ZSWIM6: variants seen among roughly 807,000 people sequenced by gnomAD.
The protein encoded by ZSWIM6 is zinc finger SWIM domain-containing protein 6.
In ZSWIM6, 9 loss-of-function variants were observed where a neutral mutation model predicts 113.2. The ratio of observed to expected loss-of-function variants is 0.08; its 90% CI spans 0.05 to 0.14. The LOEUF (loss-of-function observed/expected upper bound fraction) is 0.14. Among genes scored for constraint, ZSWIM6 ranks in the 10% least tolerant of loss-of-function variants. ZSWIM6 has a pLI of 1.00. For missense variants in ZSWIM6, 1,162 were observed against 1,552.2 expected (o/e 0.75, Z 4.22); for synonymous variants, 611 against 606.5 (o/e 1.01, Z -0.11).
At chr5:61,495,760 C>T (rs1748298868) in intron 4 of ZSWIM6, among the ~76,000 whole-genome samples, 1 of 151,800 alleles carries the variant, frequency 6.6e-6, no homozygotes, top group South Asian at 2.1e-4. Flanking sequence ...TTAAGTAAAC[C>T]TTTTTCAATT....
At chr5:61,520,395 T>C (rs1457261844) in intron 4 of ZSWIM6, among the ~76,000 whole-genome samples, 2 of 152,198 alleles carry the variant, frequency 1.3e-5, no homozygotes, top group Non-Finnish European at 2.9e-5. Flanking sequence ...TCGAAGAATG[T>C]AGAAAGGAAT....
chr5:61,382,118 T>C (rs1393618033), intron 1 of ZSWIM6, among the ~76,000 whole-genome samples: 1 of 152,232 alleles, frequency 6.6e-6, no homozygotes, highest in African/African-American at 2.4e-5. Context: ...GTTCATCTGA[T>C]AGACAAGTGT....
chr5:61,390,449 T>G (rs1745683721), intron 1 of ZSWIM6, among the ~76,000 whole-genome samples: 2 of 152,224 alleles, frequency 1.3e-5, no homozygotes, highest in African/African-American at 4.8e-5. Flanking sequence ...ATTTTTAGTG[T>G]TTTCCAAAAT....
intron 5 of ZSWIM6, among the ~76,000 whole-genome samples, chr5:61,524,026 T>G (rs1749211977): frequency 6.6e-6 from 1 of 152,234 alleles, no homozygotes; most frequent in Non-Finnish European, 1.5e-5. Context: ...AATACTAAGT[T>G]GCTCTTTTAA....
chr5:61,522,030 A>G (rs1749140128), intron 5 of ZSWIM6, among the ~76,000 whole-genome samples: 1 of 151,842 alleles, frequency 6.6e-6, no homozygotes, highest in Non-Finnish European at 1.5e-5. Context: ...GGGACAACCA[A>G]GAAATGCTCC....
At chr5:61,375,028 G>A (rs62366256) in intron 1 of ZSWIM6, 1 of 1,241,128 alleles carries the variant, frequency 8.1e-7, no homozygotes. Flanking sequence ...AATGAGAGGT[G>A]GGACCAAGTC....
At chr5:61,521,942 C>G (rs1330081408) in intron 5 of ZSWIM6, among the ~76,000 whole-genome samples, 1 of 152,102 alleles carries the variant, frequency 6.6e-6, no homozygotes, top group African/African-American at 2.4e-5. Flanking sequence ...ATGCTGTTGA[C>G]ATTTTACTGG....
intron 1 of ZSWIM6, among the ~76,000 whole-genome samples, chr5:61,374,816 A>G (rs988152664): frequency 9.9e-5 from 15 of 152,054 alleles, no homozygotes; most frequent in Non-Finnish European, 1.8e-4. Flanking sequence ...CGGCCTCCCA[A>G]AGTGTTGGGA....
chr5:61,497,948 C>T (rs1223104307), intron 4 of ZSWIM6, among the ~76,000 whole-genome samples: 25 of 152,314 alleles, frequency 1.6e-4, no homozygotes. Flanking sequence ...GGGGTGAGCA[C>T]ACCTATTGTT....
chr5:61,390,806 C>T lies in ZSWIM6; in HGVS notation c.676+57858C>T, dbSNP rs1352558095. 1.4e-5 allele frequency: 11 copies of T among 794,670 alleles called. No homozygotes were observed. In the East Asian group the frequency reaches 2.7e-4, roughly 19 times the overall value. The allele number at this position is 794,670 out of a possible 1,614,324, so 49.2% of individuals were successfully genotyped here. A position where few individuals can be genotyped will look rare whatever the true frequency, so the allele number is the denominator to read the frequency against. Reference sequence around the variant, plus strand: ...ACTTAAGGTCAATCTTCTCCAGAGGCCGCCGTTTGGTTGGCACTGGCAAGG... The same window carrying T: ...ACTTAAGGTCAATCTTCTCCAGAGGTCGCCGTTTGGTTGGCACTGGCAAGG... On this transcript the variant is annotated intron_variant, in intron 1 of 13. Transcript: ENST00000252744.
intron 1 of ZSWIM6, among the ~76,000 whole-genome samples, chr5:61,383,970 G>A (rs1441544577): frequency 6.6e-6 from 1 of 151,386 alleles, no homozygotes; most frequent in African/African-American, 2.4e-5. Flanking sequence ...GGCCGGGCGC[G>A]GTGGCTCACG....
intron 1 of ZSWIM6, among the ~76,000 whole-genome samples, chr5:61,430,313 T>C (rs1459806487): frequency 6.6e-6 from 1 of 152,226 alleles, no homozygotes; most frequent in Non-Finnish European, 1.5e-5. Flanking sequence ...TTGGAGTTTG[T>C]TTTGAATTGT....
At chr5:61,444,098 TC>T (rs1186703055) in intron 1 of ZSWIM6, among the ~76,000 whole-genome samples, 1 of 63,430 alleles carries the variant, frequency 1.6e-5, no homozygotes, top group Non-Finnish European at 2.8e-5. Flanking sequence ...CCCTCCCCCC[TC>T]CCCCCACCCC....
At chr5:61,336,000 C>T (rs1351344056) in intron 1 of ZSWIM6, among the ~76,000 whole-genome samples, 1 of 152,174 alleles carries the variant, frequency 6.6e-6, no homozygotes, top group East Asian at 1.9e-4. Flanking sequence ...CGGTGGCTCA[C>T]ACCTGTAATC....
At chr5:61,338,919 T>TTAATTGAACAGTTTAA (rs1310304406) in intron 1 of ZSWIM6, among the ~76,000 whole-genome samples, 4 of 152,196 alleles carry the variant, frequency 2.6e-5, no homozygotes, top group Admixed American at 1.3e-4. Context: ...ATTATTGCAA[T>TTAATTGAACAGTTTAA]TAATTGAACA....
At position 61,370,998 on chromosome 5, in the gene ZSWIM6, G is replaced by A. The variant is rs376458371; in HGVS notation, c.676+38050G>A. On this transcript the variant is annotated intron_variant, in intron 1 of 13. Coordinates refer to ENST00000252744, the MANE Select transcript of ZSWIM6 (RefSeq NM_020928.2). The stretch of plus-strand genomic sequence containing the variant: ...TTTTTCATCAGTTGGTAAAGGTTGT[G>A]GAGGGCCATAGTGGTGGACAGCACG... Among the ~76,000 whole-genome samples the A allele has an allele frequency of 7.2e-5, 11 of 152,342 alleles. No individual in the cohort carries two copies. In the East Asian group the frequency reaches 1.5e-3, roughly 21 times the overall value.
intron 1 of ZSWIM6, among the ~76,000 whole-genome samples, chr5:61,435,376 G>T (rs950793454): frequency 6.6e-6 from 1 of 152,156 alleles, no homozygotes; most frequent in African/African-American, 2.4e-5. Context: ...TAACCAGATG[G>T]TAGTAATACT....
chr5:61,351,014 A>G (rs1744771954), intron 1 of ZSWIM6, among the ~76,000 whole-genome samples: 1 of 152,218 alleles, frequency 6.6e-6, no homozygotes, highest in South Asian at 2.1e-4. Context: ...TGATTTCATA[A>G]TTAGAGAAAG....
chr5:61,340,420 A>G (rs1238646641), intron 1 of ZSWIM6, among the ~76,000 whole-genome samples: 1 of 152,236 alleles, frequency 6.6e-6, no homozygotes, highest in Non-Finnish European at 1.5e-5. Context: ...TGTAATTTGA[A>G]TGTTGTAACC....
Sources: gnomAD v4.1 joint callset for allele counts (sites outside exome capture counted in the v4.1 genomes callset) on GRCh38, gnomAD v4.1.1 for gene constraint, MANE v1.5 for transcripts, NCBI Gene and HGNC (gene_info 2026-07-23, HGNC 2026-07-21) for gene names.